The following CAST variants were observed in gnomAD, a reference collection of about 807,000 sequenced individuals.
CAST encodes calpastatin.
In CAST, 76 loss-of-function variants were observed where a neutral mutation model predicts 119.6. The observed-to-expected ratio is 0.64, with a 90% confidence interval of 0.53 to 0.77. The LOEUF is 0.77. Among genes scored for constraint, CAST ranks in the 30% least tolerant of loss-of-function variants. The pLI, the probability that CAST is intolerant of heterozygous loss-of-function variation, is 0.00. For missense variants in CAST, 953 were observed against 946.5 expected, an observed-to-expected ratio of 1.01 and a Z score of -0.09; for synonymous variants, 319 against 331.6, an observed-to-expected ratio of 0.96 and a Z score of 0.41.
intron 4 of CAST, among the ~76,000 whole-genome samples, chr5:96,723,514 C>A (rs954427481): frequency 2.0e-4 from 30 of 151,830 alleles, no homozygotes; most frequent in African/African-American, 6.5e-4. Context: ...TTGTGGGGTA[C>A]CATTTTATTG....
At chr5:96,139,278 CA>C in the CAST span, among the ~76,000 whole-genome samples, 1 of 151,748 alleles carries the variant, frequency 6.6e-6, no homozygotes, top group African/African-American at 2.4e-5. Context: ...CTCCTTTTAT[CA>C]CTACCTCTTG....
chr5:96,722,816 A>T, intron 4 of CAST, 118 bp downstream of exon 4: 1 of 751,384 alleles, frequency 1.3e-6, no homozygotes, highest in Non-Finnish European at 2.3e-6. Flanking sequence ...TAATTATGGA[A>T]GTAAACATTT....
At chr5:96,338,550 C>T in the CAST span, among the ~76,000 whole-genome samples, 1 of 152,126 alleles carries the variant, frequency 6.6e-6, no homozygotes, top group Non-Finnish European at 1.5e-5. Flanking sequence ...TTGATCACAT[C>T]ACTTCTCCCC....
At chr5:96,172,093 G>A in the CAST span, among the ~76,000 whole-genome samples, 1 of 152,240 alleles carries the variant, frequency 6.6e-6, no homozygotes, top group Admixed American at 6.5e-5. Context: ...GAGATGGGGT[G>A]GGGCTGTTTT....
chr5:96,235,550 T>G, the CAST span, among the ~76,000 whole-genome samples: 1 of 152,206 alleles, frequency 6.6e-6, no homozygotes, highest in Non-Finnish European at 1.5e-5. Context: ...AGATTTGGCT[T>G]CATTCTACTA....
chr5:96,731,007 T>A (rs1021140062), intron 9 of CAST, 147 bp downstream of exon 9: 1 of 637,846 alleles, frequency 1.6e-6, no homozygotes. Flanking sequence ...ATTTAAGGGA[T>A]AGAGAGTGAA....
the CAST span, among the ~76,000 whole-genome samples, chr5:95,964,377 C>A: frequency 6.8e-4 from 104 of 152,242 alleles, no homozygotes. Flanking sequence ...TCATTGAATA[C>A]CAGTTAAGTA....
At chr5:96,753,499 A>C (rs970866129) in intron 20 of CAST, among the ~76,000 whole-genome samples, 7 of 152,200 alleles carry the variant, frequency 4.6e-5, no homozygotes, top group South Asian at 2.1e-4. Context: ...CAATCGGACC[A>C]CAGGTAGACA....
At chr5:96,111,659 T>C in the CAST span, among the ~76,000 whole-genome samples, 1 of 152,332 alleles carries the variant, frequency 6.6e-6, no homozygotes, top group South Asian at 2.1e-4. Flanking sequence ...AGAAGCTTTG[T>C]GCCAGGAACT....
At chr5:96,665,972 T>A (rs754901148) in intron 1 of CAST, among the ~76,000 whole-genome samples, 1 of 152,202 alleles carries the variant, frequency 6.6e-6, no homozygotes, top group African/African-American at 2.4e-5. Flanking sequence ...TCTACAGATA[T>A]AAACACAGAT....
At chr5:96,313,041 G>A in the CAST span, among the ~76,000 whole-genome samples, 1 of 151,948 alleles carries the variant, frequency 6.6e-6, no homozygotes, top group African/African-American at 2.4e-5. Context: ...GTCTACCACT[G>A]GATATATAGG....
chr5:96,393,158 T>G, the CAST span: 1 of 1,614,192 alleles, frequency 6.2e-7, no homozygotes, highest in East Asian at 2.2e-5. Context: ...TTCCAGGGCT[T>G]CGTAGAAGTT....
At chr5:96,125,307 C>T in the CAST span, among the ~76,000 whole-genome samples, 2 of 152,006 alleles carry the variant, frequency 1.3e-5, no homozygotes, top group Admixed American at 6.6e-5. Flanking sequence ...TTAAGAACTC[C>T]GTAAATGTCA....
chr5:96,522,326 C>A (rs1029382520), upstream of CAST, among the ~76,000 whole-genome samples: 1 of 152,100 alleles, frequency 6.6e-6, no homozygotes, highest in Non-Finnish European at 1.5e-5. Context: ...ATTATGTGTC[C>A]TTGGAGTGTT....
the CAST span, among the ~76,000 whole-genome samples, chr5:96,051,621 G>A: frequency 2.0e-5 from 3 of 152,102 alleles, no homozygotes; most frequent in Admixed American, 1.3e-4. Context: ...AGAGGAGGGG[G>A]AGAGAAATTA....
the CAST span, among the ~76,000 whole-genome samples, chr5:96,296,001 T>A: frequency 2.0e-5 from 3 of 152,186 alleles, no homozygotes; most frequent in African/African-American, 7.2e-5. Flanking sequence ...TTTACTATAT[T>A]TTTCAAATGT....
chr5:96,630,898 G>A lies in CAST; in HGVS notation c.61-44641G>A, dbSNP rs561105092. The A allele has an allele frequency of 5.0e-5, 7 of 140,252 alleles. 2 individuals are homozygous for A. The South Asian group carries it at 1.6e-3, about 33-fold the overall frequency. The allele number at this position is 140,252 out of a possible 1,614,324, so 8.7% of individuals were successfully genotyped here. ...GAAAAGGAAAGGAAAAGAAAGAAAGGTTGTTTTGTTTTGGTCTACAATTGA... is the reference window on the plus strand; with the variant it reads ...GAAAAGGAAAGGAAAAGAAAGAAAGATTGTTTTGTTTTGGTCTACAATTGA... On this transcript the variant is annotated intron_variant, in intron 1 of 11. Coordinates refer to the CAST transcript ENST00000505143.
chr5:96,336,094 G>A, the CAST span, among the ~76,000 whole-genome samples: 4 of 151,570 alleles, frequency 2.6e-5, no homozygotes, highest in African/African-American at 7.3e-5. Context: ...TCCTTCTCTT[G>A]CTAAAGTCAT....
chr5:96,520,430 G>A (rs1487742138), upstream of CAST, among the ~76,000 whole-genome samples: 1 of 152,130 alleles, frequency 6.6e-6, no homozygotes, highest in Non-Finnish European at 1.5e-5. Context: ...GCCCCACAGG[G>A]GCCTCAACTC....
Sources: gnomAD v4.1 joint callset for allele counts (sites outside exome capture counted in the v4.1 genomes callset) on GRCh38, gnomAD v4.1.1 for gene constraint, MANE v1.5 for transcripts, NCBI Gene and HGNC (gene_info 2026-07-23, HGNC 2026-07-21) for gene names.